EPHB1: variants seen among roughly 807,000 people sequenced by gnomAD.
EPHB1 encodes EPH receptor B1, also known as ephrin type-B receptor 1.
EPHB1 carries 30 observed loss-of-function variants against 94.4 expected under a neutral mutation model. The ratio of observed to expected loss-of-function variants is 0.32; its 90% confidence interval spans 0.24 to 0.43. The LOEUF (loss-of-function observed/expected upper bound fraction) is 0.43. Among genes scored for constraint, EPHB1 ranks in the 20% least tolerant of loss-of-function variants. EPHB1 has a pLI of 1.00. For synonymous variants in EPHB1, 522 were observed against 489.1 expected (o/e 1.07, Z -0.89); for missense variants, 1,055 against 1,308.3 (o/e 0.81, Z 2.99).
intron 1 of EPHB1, among the ~76,000 whole-genome samples, chr3:134,810,276 A>AGTGTGTGTGTGT (rs35841212): frequency 0.073 from 10,670 of 145,768 alleles, 502 homozygotes; most frequent in South Asian, 0.19. Context: ...GCACAGGAGG[A>AGTGTGTGTGTGT]GTGTGTGTGT....
chr3:134,959,390 C>A (rs1025903040), intron 3 of EPHB1, among the ~76,000 whole-genome samples: 1 of 152,190 alleles, frequency 6.6e-6, no homozygotes, highest in African/African-American at 2.4e-5. Context: ...CTAGGGAGGC[C>A]ACTATCTGCC....
At chr3:135,181,663 A>C (rs1431851489) in intron 10 of EPHB1, among the ~76,000 whole-genome samples, 3 of 152,166 alleles carry the variant, frequency 2.0e-5, no homozygotes, top group African/African-American at 7.2e-5. Flanking sequence ...CCCAGAGAGC[A>C]CACATCAGCC....
At chr3:135,005,382 T>A (rs1371259199) in intron 3 of EPHB1, among the ~76,000 whole-genome samples, 8 of 152,362 alleles carry the variant, frequency 5.3e-5, no homozygotes, top group East Asian at 1.9e-4. Flanking sequence ...AGGGACATTT[T>A]AGTCTGCAGA....
chr3:134,823,203 C>G (rs138684625), intron 1 of EPHB1, among the ~76,000 whole-genome samples: 1 of 152,176 alleles, frequency 6.6e-6, no homozygotes, highest in Non-Finnish European at 1.5e-5. Flanking sequence ...ACTTGAGTAA[C>G]GACTCAACTG....
chr3:135,139,041 C>T (rs1346490444), intron 5 of EPHB1, among the ~76,000 whole-genome samples: 1 of 152,228 alleles, frequency 6.6e-6, no homozygotes, highest in African/African-American at 2.4e-5. Flanking sequence ...TCACCTACCA[C>T]CAGTTTCCTG....
intron 4 of EPHB1, among the ~76,000 whole-genome samples, chr3:135,122,888 G>A (rs1204258564): frequency 6.6e-6 from 1 of 152,276 alleles, no homozygotes; most frequent in East Asian, 1.9e-4. Context: ...GTTATGATTA[G>A]GAGAATTGCC....
intron 1 of EPHB1, among the ~76,000 whole-genome samples, chr3:134,813,795 A>G (rs4955455): frequency 0.61 from 92,881 of 152,118 alleles, 30,412 homozygotes; most frequent in East Asian, 0.78. Context: ...CATGATGACA[A>G]TCAGTGATCA....
intron 7 of EPHB1, among the ~76,000 whole-genome samples, chr3:135,164,575 G>A (rs534434853): frequency 7.2e-5 from 11 of 152,224 alleles, no homozygotes; most frequent in African/African-American, 1.2e-4. Flanking sequence ...TTGGGAGGCC[G>A]AGACAGGTGG....
chr3:135,086,153 G>A (rs1262857320), intron 3 of EPHB1, among the ~76,000 whole-genome samples: 3 of 152,182 alleles, frequency 2.0e-5, no homozygotes, highest in South Asian at 4.2e-4. Flanking sequence ...TGTGGGGGGT[G>A]GTAGGAGGGC....
chr3:135,103,924 T>TC (rs1410300783), intron 3 of EPHB1, among the ~76,000 whole-genome samples: 1 of 152,146 alleles, frequency 6.6e-6, no homozygotes, highest in Non-Finnish European at 1.5e-5. Flanking sequence ...ACTTTCCACA[T>TC]CCCCCTGCCA....
chr3:134,919,927 C>T (rs1033639134), intron 1 of EPHB1, among the ~76,000 whole-genome samples: 4 of 152,008 alleles, frequency 2.6e-5, no homozygotes, highest in Non-Finnish European at 5.9e-5. Flanking sequence ...GTGGTCTCTG[C>T]GCTTTCAACA....
chr3:135,074,856 G>A (rs1375333791), intron 3 of EPHB1, among the ~76,000 whole-genome samples: 1 of 152,180 alleles, frequency 6.6e-6, no homozygotes, highest in Admixed American at 6.5e-5. Context: ...CAGCATCAGA[G>A]GGGGCAAGCA....
At chr3:134,972,267 A>C (rs1334232937) in intron 3 of EPHB1, among the ~76,000 whole-genome samples, 1 of 151,338 alleles carries the variant, frequency 6.6e-6, no homozygotes, top group Non-Finnish European at 1.5e-5. Flanking sequence ...TCAATGCTGC[A>C]TGTGGGGCTT....
chr3:134,910,055 G>A (rs2038420312), intron 1 of EPHB1, among the ~76,000 whole-genome samples: 1 of 152,192 alleles, frequency 6.6e-6, no homozygotes, highest in South Asian at 2.1e-4. Flanking sequence ...CCTCTCTTCA[G>A]TCTCAGTTTA....
chr3:134,889,066 G>C (rs1286180051), intron 1 of EPHB1, among the ~76,000 whole-genome samples: 1 of 152,190 alleles, frequency 6.6e-6, no homozygotes, highest in Non-Finnish European at 1.5e-5. Flanking sequence ...TAGATTTTCT[G>C]CTCAGTGCGA....
intron 10 of EPHB1, among the ~76,000 whole-genome samples, chr3:135,180,238 A>G (rs1270566619): frequency 6.6e-6 from 1 of 152,238 alleles, no homozygotes; most frequent in Admixed American, 6.5e-5. Context: ...GCAGTTTTAT[A>G]GATTCAGAAA....
intron 12 of EPHB1, among the ~76,000 whole-genome samples, chr3:135,228,481 G>T (rs906539189): frequency 7.9e-5 from 12 of 152,016 alleles, no homozygotes; most frequent in Non-Finnish European, 1.6e-4. Context: ...TTCTTGCATA[G>T]CTTACGAGAT....
chr3:134,809,370 ATT>A lies in EPHB1; in HGVS notation c.58+13692_58+13693del, dbSNP rs11440776. Among the ~76,000 whole-genome samples, 151 of 149,808 alleles carry A rather than the reference ATT, an allele frequency of 1.0e-3. 1 individual carries two copies. The highest frequency in any genetic ancestry group is 1.7e-3 in the Admixed American group (25 of 15,018). Reference sequence around the variant, plus strand: ...TCCCAGCTAAGCAGAAAAAGAACAGATTTTTTTTTTTTAAAAAAACACAGTAG... The same window carrying A: ...TCCCAGCTAAGCAGAAAAAGAACAGATTTTTTTTTTAAAAAAACACAGTAG... On this transcript the variant is annotated intron_variant, in intron 1 of 15. Transcript: ENST00000398015.
Position 135,038,673 on chromosome 3 carries a change from C to A in EPHB1, c.806-67775C>A, listed in dbSNP as rs144105123. 1.8e-4 allele frequency among the ~76,000 whole-genome samples: 28 copies of A among 151,952 alleles called. No homozygotes were observed. In the East Asian group the frequency reaches 4.3e-3, roughly 23 times the overall value. On this transcript the variant is annotated intron_variant, in intron 3 of 15. Transcript: ENST00000398015. ...GTCCCTTCTGATATTCAGATGTGTTCGGAGTTTCTTCCTTCTGGTGGGTTC... is the reference window on the plus strand; with the variant it reads ...GTCCCTTCTGATATTCAGATGTGTTAGGAGTTTCTTCCTTCTGGTGGGTTC...
Sources: gnomAD v4.1 joint callset for allele counts (sites outside exome capture counted in the v4.1 genomes callset) on GRCh38, gnomAD v4.1.1 for gene constraint, MANE v1.5 for transcripts, NCBI Gene and HGNC (gene_info 2026-07-23, HGNC 2026-07-21) for gene names.